The following NPY2R variants were observed in gnomAD, a reference collection of about 807,000 sequenced individuals.
NPY2R encodes neuropeptide Y receptor Y2.
A neutral mutation model predicts 22.3 loss-of-function variants in NPY2R; 17 were observed. The observed-to-expected ratio is 0.76, with a 90% confidence interval of 0.52 to 1.14. The LOEUF is 1.14. NPY2R is among the 50% of genes most tolerant of loss of function. The pLI, the probability that NPY2R is intolerant of heterozygous loss-of-function variation, is 0.00. For missense variants in NPY2R, 424 were observed against 467.9 expected (o/e 0.91, Z 0.87); for synonymous variants, 209 against 183.4 (o/e 1.14, Z -1.13).
chr4:155,199,261 C>T, the NPY2R span, among the ~76,000 whole-genome samples: 3 of 151,856 alleles, frequency 2.0e-5, no homozygotes, highest in East Asian at 5.8e-4. Context: ...ATTGAACAAA[C>T]AAACAACATC....
At chr4:155,199,632 G>A in the NPY2R span, among the ~76,000 whole-genome samples, 1 of 152,214 alleles carries the variant, frequency 6.6e-6, no homozygotes, top group East Asian at 1.9e-4. Context: ...CAAGTCTACA[G>A]CAACCAAAAT....
upstream of NPY2R, chr4:155,207,388 G>A (rs535121561): frequency 3.9e-4 from 60 of 152,232 alleles, no homozygotes; most frequent in Middle Eastern, 3.4e-3. Context: ...AAGCACACCA[G>A]TATGACCATC....
the NPY2R span, among the ~76,000 whole-genome samples, chr4:155,195,583 A>G: frequency 1.3e-5 from 2 of 151,964 alleles, no homozygotes; most frequent in African/African-American, 4.8e-5. Context: ...GTATTATAAT[A>G]TAACCTATAT....
chr4:155,202,700 A>C, the NPY2R span, among the ~76,000 whole-genome samples: 1 of 152,112 alleles, frequency 6.6e-6, no homozygotes, highest in East Asian at 1.9e-4. Flanking sequence ...TTCTCAGGAG[A>C]TATCAATAGT....
Position 155,214,975 on chromosome 4 carries a change from T to C in NPY2R, c.1036T>C (p.Leu346=). 5 of 1,614,112 alleles carry C rather than the reference T, an allele frequency of 3.1e-6. No individual in the cohort carries two copies. Among genetic ancestry groups the C allele is most frequent in the Non-Finnish European group, 4.2e-6 (5 of 1,179,968 alleles). Residue 346 remains leucine (L), a synonymous_variant, in exon 2 of 2, where the codon TTG becomes CTG. Transcript: ENST00000329476. ...FLSAFRCEQR[L]DAIHSEVSVT... The stretch of plus-strand genomic sequence containing the variant: ...CTCGGCCTTCCGCTGTGAGCAGCGG[T>C]TGGATGCCATTCACTCTGAGGTGTC...
chr4:155,188,597 G>A, the NPY2R span, among the ~76,000 whole-genome samples: 1 of 151,994 alleles, frequency 6.6e-6, no homozygotes, highest in African/African-American at 2.4e-5. Context: ...CTTTCCTCTT[G>A]CTAGCAGACT....
the NPY2R span, among the ~76,000 whole-genome samples, chr4:155,198,779 A>C: frequency 2.6e-5 from 4 of 151,626 alleles, no homozygotes; most frequent in Non-Finnish European, 5.9e-5. Flanking sequence ...TGTTCAAGAC[A>C]TTGCTCAGAT....
the NPY2R span, among the ~76,000 whole-genome samples, chr4:155,200,437 C>T: frequency 2.0e-5 from 3 of 152,146 alleles, no homozygotes; most frequent in African/African-American, 4.8e-5. Flanking sequence ...TTGTGGAAGA[C>T]AGTGTGACGA....
At chr4:155,212,948 G>T (rs1026326624) in intron 1 of NPY2R, among the ~76,000 whole-genome samples, 2 of 152,196 alleles carry the variant, frequency 1.3e-5, no homozygotes, top group Non-Finnish European at 2.9e-5. Context: ...ATACTACTCA[G>T]CTGTAAAAAA....
Position 155,214,709 on chromosome 4 carries a change from A to T in NPY2R, c.770A>T (p.Asp257Val). The T allele has an allele frequency of 6.2e-7, 1 of 1,614,208 alleles. No homozygotes were observed. The highest frequency in any genetic ancestry group is 8.5e-7 in the Non-Finnish European group (1 of 1,180,032). ...CATGTCAGTCCTGGAGCTGCAAATG[A>T]CCACTACCATCAGCGAAGGCAAAAA... ...KNHVSPGAAN[D>V]HYHQRRQKTT... Residue 257 changes from aspartate (D) to valine (V), a missense_variant, in exon 2 of 2, where the codon GAC (aspartate) becomes GTC (valine). Physicochemically the swap from Asp to Val is radical, Grantham distance 152. Coordinates refer to ENST00000329476, the MANE Select transcript of NPY2R (RefSeq NM_000910.4).
At chr4:155,174,484 A>ATATATATATATATATATATATT in the NPY2R span, among the ~76,000 whole-genome samples, 126 of 105,980 alleles carry the variant, frequency 1.2e-3, no homozygotes, top group East Asian at 7.2e-3. Flanking sequence ...ATATATATAT[A>ATATATATATATATATATATATT]TTTTTTTTTT....
chr4:155,205,492 C>A (rs912019817), upstream of NPY2R, among the ~76,000 whole-genome samples: 3 of 151,986 alleles, frequency 2.0e-5, no homozygotes, highest in Admixed American at 6.6e-5. Flanking sequence ...TATTATTGAA[C>A]TTTTTTAATG....
chr4:155,208,258 C>T (rs1729323006), upstream of NPY2R: 1 of 152,382 alleles, frequency 6.6e-6, no homozygotes, highest in Non-Finnish European at 1.5e-5. The surrounding 1 kb of genome is among the most constrained non-coding windows in gnomAD (Gnocchi z 5.6). Context: ...ATTCTCCAGC[C>T]CCGGCCCTCC....
chr4:155,213,320 T>C (rs1275133316), intron 1 of NPY2R, among the ~76,000 whole-genome samples: 1 of 152,224 alleles, frequency 6.6e-6, no homozygotes, highest in Non-Finnish European at 1.5e-5. Flanking sequence ...TATATTTTAA[T>C]ACTATTTTTA....
the NPY2R span, among the ~76,000 whole-genome samples, chr4:155,182,953 C>G: frequency 6.6e-6 from 1 of 151,990 alleles, no homozygotes; most frequent in Non-Finnish European, 1.5e-5. Flanking sequence ...TCACTATGCC[C>G]GGCTAATTTT....
chr4:155,214,570 G>C lies in NPY2R; in HGVS notation c.631G>C (p.Glu211Gln). ...VACTEKWPGE[E>Q]KSIYGTVYSL... Reference sequence around the variant, plus strand: ...CTGTACTGAAAAGTGGCCTGGCGAGGAGAAGAGCATCTATGGCACTGTCTA... The same window carrying C: ...CTGTACTGAAAAGTGGCCTGGCGAGCAGAAGAGCATCTATGGCACTGTCTA... Residue 211 changes from glutamate to glutamine, a missense_variant, in exon 2 of 2, where the codon GAG becomes CAG. By Grantham distance (29) the Glu-to-Gln change is conservative. Transcript: ENST00000329476. 10 of 1,614,212 alleles carry C rather than the reference G, an allele frequency of 6.2e-6. No individual in the cohort carries two copies. The highest frequency in any genetic ancestry group is 7.6e-6 in the Non-Finnish European group (9 of 1,180,036).
the NPY2R span, among the ~76,000 whole-genome samples, chr4:155,176,829 C>T: frequency 1.3e-5 from 2 of 152,094 alleles, no homozygotes; most frequent in Non-Finnish European, 2.9e-5. Flanking sequence ...CAAAATGGTG[C>T]CTTGCTGCTG....
chr4:155,174,484 A>ATATATATT, the NPY2R span, among the ~76,000 whole-genome samples: 19 of 106,118 alleles, frequency 1.8e-4, no homozygotes, highest in Non-Finnish European at 2.8e-4. Context: ...ATATATATAT[A>ATATATATT]TTTTTTTTTT....
At chr4:155,199,749 T>C in the NPY2R span, among the ~76,000 whole-genome samples, 2 of 151,722 alleles carry the variant, frequency 1.3e-5, no homozygotes, top group African/African-American at 4.8e-5. Context: ...AAAAACAAGC[T>C]ATGGGGAAAG....
Sources: gnomAD v4.1 joint callset for allele counts (sites outside exome capture counted in the v4.1 genomes callset) on GRCh38, gnomAD v4.1.1 for gene constraint, Gnocchi (gnomAD v3.1) non-coding constraint, MANE v1.5 for transcripts, NCBI Gene and HGNC (gene_info 2026-07-23, HGNC 2026-07-21) for gene names.